Variants in ANO5 observed in about 807,000 individuals in gnomAD.
The protein encoded by ANO5 is anoctamin 5.
A neutral mutation model predicts 121.0 loss-of-function variants in ANO5; 109 were observed. That is an observed-to-expected ratio of 0.90 (90% CI 0.77 to 1.06). The LOEUF is 1.06. Among genes scored for constraint, ANO5 ranks in the 50% least tolerant of loss-of-function variants. The pLI is 0.00. For missense variants in ANO5, 1,064 were observed against 1,078.5 expected, an observed-to-expected ratio of 0.99 and a Z score of 0.19; for synonymous variants, 406 against 359.9, an observed-to-expected ratio of 1.13 and a Z score of -1.45.
At chr11:22,275,264 T>A (rs1295537920) in intron 20 of ANO5, among the ~76,000 whole-genome samples, 1 of 151,706 alleles carries the variant, frequency 6.6e-6, no homozygotes, top group Non-Finnish European at 1.5e-5. Context: ...GTTTTTACAC[T>A]CAGTGTATCA....
chr11:22,269,995 T>C (rs1050311914), intron 17 of ANO5, among the ~76,000 whole-genome samples: 1 of 152,238 alleles, frequency 6.6e-6, no homozygotes, highest in Non-Finnish European at 1.5e-5. Context: ...TCAGGATTAG[T>C]AAGTGGTCTT....
At chr11:22,277,177 TCA>T (rs532605166) in intron 21 of ANO5, among the ~76,000 whole-genome samples, 11 of 151,164 alleles carry the variant, frequency 7.3e-5, no homozygotes, top group Non-Finnish European at 1.5e-4. Context: ...TTGGCAGATC[TCA>T]CACACACACC....
intron 17 of ANO5, among the ~76,000 whole-genome samples, chr11:22,267,525 A>ATATATATATATATAT (rs1239852095): frequency 0.022 from 3,067 of 139,814 alleles, 164 homozygotes; most frequent in African/African-American, 0.092. Flanking sequence ...TATATATATA[A>ATATATATATATATAT]AATCTATCTA....
intron 8 of ANO5, among the ~76,000 whole-genome samples, chr11:22,238,437 A>G (rs769615969): frequency 2.6e-5 from 4 of 152,142 alleles, no homozygotes; most frequent in Admixed American, 2.6e-4. Context: ...ATATAGGCTC[A>G]TTGGAAATTC....
chr11:22,228,718 C>T (rs1852931409), intron 7 of ANO5, among the ~76,000 whole-genome samples: 1 of 151,982 alleles, frequency 6.6e-6, no homozygotes, highest in African/African-American at 2.4e-5. Context: ...GTAGATTCCA[C>T]ATATGGCTGA....
rs1368084680 is a variant in ANO5 at position 22,280,614 on chromosome 11, T to C, written c.*849T>C. 1 of 151,976 alleles carries C rather than the reference T, an allele frequency of 6.6e-6. No individual in the cohort carries two copies. The highest frequency in any genetic ancestry group is 1.5e-5 in the Non-Finnish European group (1 of 67,864). 9.4% of individuals were successfully genotyped at this position (151,976 alleles called of 1,614,324 possible). On this transcript the variant is annotated 3_prime_UTR_variant, in exon 22 of 22. Transcript: ENST00000324559. Reference sequence around the variant, plus strand: ...AATTTGTTGATTTTAATTTAGAAAATTGTTAAATTATTTCTTAAAAATCAC... The same window carrying C: ...AATTTGTTGATTTTAATTTAGAAAACTGTTAAATTATTTCTTAAAAATCAC...
chr11:22,255,637 C>T (rs1853978389), intron 13 of ANO5, 115 bp downstream of exon 13: 3 of 1,200,306 alleles, frequency 2.5e-6, no homozygotes, highest in Non-Finnish European at 3.6e-6. Flanking sequence ...ACGTATAAAT[C>T]ACATAAACTT....
chr11:22,273,603 T>G (rs1854711620), intron 19 of ANO5, among the ~76,000 whole-genome samples: 4 of 152,000 alleles, frequency 2.6e-5, no homozygotes, highest in Admixed American at 2.6e-4. Context: ...AAAAGAAGAC[T>G]GGAAAATAAG....
At chr11:22,194,509 T>C (rs1851749306) in intron 1 of ANO5, among the ~76,000 whole-genome samples, 1 of 152,232 alleles carries the variant, frequency 6.6e-6, no homozygotes, top group Admixed American at 6.5e-5. Context: ...TGGATTTTTT[T>C]TAGTGTATTT....
chr11:22,210,438 CCAGCATTATTTGGG>C (rs972587777), intron 2 of ANO5, among the ~76,000 whole-genome samples: 7 of 151,728 alleles, frequency 4.6e-5, no homozygotes, highest in Admixed American at 2.6e-4. Flanking sequence ...ACTGATTTGC[CCAGCATTATTTGGG>C]CATAATGAGA....
chr11:22,279,062 A>C (rs1225444548), intron 21 of ANO5, among the ~76,000 whole-genome samples: 1 of 151,738 alleles, frequency 6.6e-6, no homozygotes, highest in Admixed American at 6.6e-5. Flanking sequence ...AGTGCTCCTT[A>C]TGCAGATTTG....
chr11:22,269,815 T>A (rs1209530012), intron 17 of ANO5, among the ~76,000 whole-genome samples: 1 of 152,298 alleles, frequency 6.6e-6, no homozygotes, highest in East Asian at 1.9e-4. Context: ...AGCCTCTTTT[T>A]AAAAAAAGTG....
chr11:22,274,449 T>G, intron 19 of ANO5, 120 bp from the exon 20 acceptor site: 5 of 911,828 alleles, frequency 5.5e-6, no homozygotes, highest in Non-Finnish European at 8.1e-6. Context: ...CTATGATTTA[T>G]AATAGTATTT....
intron 5 of ANO5, among the ~76,000 whole-genome samples, chr11:22,223,932 CCCAA>C (rs145692684): frequency 0.011 from 1,645 of 151,908 alleles, 42 homozygotes; most frequent in African/African-American, 0.038. Flanking sequence ...AAGCCTTTAT[CCCAA>C]CCACTCTGCC....
intron 1 of ANO5, among the ~76,000 whole-genome samples, chr11:22,198,064 A>G (rs1851862708): frequency 6.6e-6 from 1 of 152,186 alleles, no homozygotes; most frequent in Non-Finnish European, 1.5e-5. Context: ...CATACATGTG[A>G]GAGAGCTAGC....
chr11:22,258,120 C>T (rs1048796608), intron 14 of ANO5, among the ~76,000 whole-genome samples: 8 of 152,064 alleles, frequency 5.3e-5, no homozygotes, highest in Non-Finnish European at 1.5e-5. Context: ...ACCTTATTTC[C>T]TGCTCTTCCT....
intron 12 of ANO5, among the ~76,000 whole-genome samples, chr11:22,251,822 C>A (rs116871579): frequency 0.013 from 2,006 of 151,328 alleles, 20 homozygotes; most frequent in Non-Finnish European, 0.022. Flanking sequence ...GTCAGGAGAT[C>A]GAGATTACCC....
intron 5 of ANO5, 35 bp from the exon 6 acceptor site, chr11:22,225,949 T>C: frequency 1.3e-6 from 2 of 1,497,654 alleles, no homozygotes; most frequent in Non-Finnish European, 1.9e-6. Flanking sequence ...AACAAAAGCA[T>C]TCTGCATAAT....
chr11:22,216,046 A>G (rs1264289433), intron 3 of ANO5, among the ~76,000 whole-genome samples: 3 of 151,898 alleles, frequency 2.0e-5, no homozygotes, highest in African/African-American at 7.2e-5. Context: ...GTAATATTTC[A>G]TTGTATGGAT....
Sources: gnomAD v4.1 joint callset for allele counts (sites outside exome capture counted in the v4.1 genomes callset) on GRCh38, gnomAD v4.1.1 for gene constraint, MANE v1.5 for transcripts, NCBI Gene and HGNC (gene_info 2026-07-23, HGNC 2026-07-21) for gene names.